OR1L8: variants seen among roughly 807,000 people sequenced by gnomAD.
OR1L8 encodes olfactory receptor 1L8.
For missense variants in OR1L8, 330 were observed against 377.4 expected (o/e 0.87, Z 1.04); for synonymous variants, 148 against 147.0 (o/e 1.01, Z -0.05).
rs763609623 is a variant in OR1L8 at position 122,568,320 on chromosome 9, T to C, written c.158A>G (p.Asn53Ser). The C allele has an allele frequency of 1.2e-6, 2 of 1,613,888 alleles. No individual in the cohort carries two copies. The highest frequency in any genetic ancestry group is 2.2e-5 in the East Asian group (1 of 44,862). The change falls in exon 5 of 5, where the codon AAC becomes AGC. Residue 53 changes from asparagine to serine, a missense_variant. By Grantham distance (46) the Asn-to-Ser change is conservative (BLOSUM62 1). Coordinates refer to ENST00000641027, the MANE Select transcript of OR1L8 (RefSeq NM_001004454.2). ...ATACATAGGGGTCTGAAGATGGGGG[T>C]TGAAGCGAATGGCCAGGATGATGAG... ...NLLIILAIRFNPHLQTPMYFF... is the reference protein window; with the variant it reads ...NLLIILAIRFSPHLQTPMYFF...
At chr9:122,553,820 C>T in the OR1L8 span, 1 of 1,614,038 alleles carries the variant, frequency 6.2e-7, no homozygotes. Context: ...TGATGATCAT[C>T]ACCATGGGCT....
chr9:122,567,792 A>G lies in OR1L8; in HGVS notation c.686T>C (p.Ile229Thr). Reference sequence around the variant, plus strand: ...TTTGCGTTTCCCAGAAGTAGAGGGAATCTTGAGAACTGTAGTGAGGATTCG... The same window carrying G: ...TTTGCGTTTCCCAGAAGTAGAGGGAGTCTTGAGAACTGTAGTGAGGATTCG... ...YIRILTTVLK[I>T]PSTSGKRKAF... The change falls in exon 5 of 5, where the codon ATT becomes ACT. Residue 229 changes from isoleucine (I) to threonine (T), a missense_variant. Physicochemically the swap from Ile to Thr is moderately conservative, Grantham distance 89. Coordinates refer to ENST00000641027, the MANE Select transcript of OR1L8 (RefSeq NM_001004454.2). The G allele has an allele frequency of 1.2e-6, 2 of 1,614,122 alleles. No homozygotes were observed. The highest frequency in any genetic ancestry group is 1.1e-5 in the South Asian group (1 of 91,078).
chr9:122,552,749 A>AGTGT, the OR1L8 span, among the ~76,000 whole-genome samples: 10,549 of 129,334 alleles, frequency 0.082, 499 homozygotes, highest in East Asian at 0.16. Context: ...AGAGGGCTTG[A>AGTGT]GTGTGTGTGT....
At chr9:122,575,185 G>A (rs914264649) in intron 3 of OR1L8, among the ~76,000 whole-genome samples, 5 of 151,976 alleles carry the variant, frequency 3.3e-5, no homozygotes, top group Non-Finnish European at 2.9e-5. Flanking sequence ...TTTGGTATTA[G>A]GATATTGTTG....
chr9:122,565,343 G>A (rs1046451490), downstream of OR1L8, among the ~76,000 whole-genome samples: 2 of 152,216 alleles, frequency 1.3e-5, no homozygotes, highest in East Asian at 1.9e-4. Context: ...CAGAAGGGGA[G>A]GTTTTAATAA....
At position 122,567,706 on chromosome 9, in the gene OR1L8, A is replaced by C. The variant is rs777080480; in HGVS notation, c.772T>G (p.Cys258Gly). 9 of 1,614,126 alleles carry C rather than the reference A, an allele frequency of 5.6e-6. No individual in the cohort carries two copies. The highest frequency in any genetic ancestry group is 7.6e-6 in the Non-Finnish European group (9 of 1,180,016). The change falls in exon 5 of 5, where the codon TGT becomes GGT. Residue 258 changes from cysteine (C) to glycine (G), a missense_variant. Transcript: ENST00000641027. ...VVTLFYGSIF[C>G]VYLQPPSTYA... is the part of the protein sequence containing the mutation. ...GTGGATGGGGGCTGTAAATAGACACAGAAGATGCTTCCATAAAAGAGCGTC... is the reference window on the plus strand; with the variant it reads ...GTGGATGGGGGCTGTAAATAGACACCGAAGATGCTTCCATAAAAGAGCGTC...
chr9:122,553,129 A>G, the OR1L8 span: 9 of 1,442,760 alleles, frequency 6.2e-6, no homozygotes, highest in African/African-American at 1.1e-4. Context: ...GGCCACACAG[A>G]TGCATATCTG....
intron 1 of OR1L8, among the ~76,000 whole-genome samples, chr9:122,582,536 C>G (rs773382127): frequency 6.6e-6 from 1 of 150,822 alleles, no homozygotes; most frequent in Admixed American, 6.7e-5. Flanking sequence ...GGCAACATAG[C>G]AAGATCTTAT....
rs774722566 is a variant in OR1L8, at chr9:122,567,927, G to C, written c.551C>G (p.Pro184Arg). Residue 184 changes from proline (P) to arginine (R), a missense_variant, in exon 5 of 5, where the codon CCT becomes CGT. Transcript: ENST00000641027. ...GGAAGAGCAGGACAATTTCAGCACA[G>C]GGCTGAGGTCACAGAGAAAGTGGTG... ...VIHHFLCDLSPVLKLSCSSIF... is the reference protein window; with the variant it reads ...VIHHFLCDLSRVLKLSCSSIF... 1 of 1,614,140 alleles carries C rather than the reference G, an allele frequency of 6.2e-7. No homozygotes were observed. The highest frequency in any genetic ancestry group is 1.1e-5 in the South Asian group (1 of 91,078).
downstream of OR1L8, among the ~76,000 whole-genome samples, chr9:122,562,148 G>A (rs574935014): frequency 6.6e-6 from 1 of 152,348 alleles, no homozygotes; most frequent in Admixed American, 6.5e-5. Context: ...GTTTGGCTGT[G>A]GGGAATATTT....
the OR1L8 span, among the ~76,000 whole-genome samples, chr9:122,558,311 CTTTTTTTTTTTTT>C: frequency 8.7e-5 from 3 of 34,472 alleles, no homozygotes; most frequent in East Asian, 1.3e-3. Context: ...TTGGATTTTG[CTTTTTTTTTTTTT>C]TTTTTTTTTT....
the OR1L8 span, chr9:122,553,857 C>T: frequency 1.9e-6 from 3 of 1,613,956 alleles, no homozygotes; most frequent in Admixed American, 1.7e-5. Flanking sequence ...TCCCCTCCTG[C>T]TGATCGTCTT....
rs1829467084 is a variant in OR1L8 at position 122,568,047 on chromosome 9, A to G, written c.431T>C (p.Leu144Pro). The G allele has an allele frequency of 6.2e-7, 1 of 1,613,984 alleles. No homozygotes were observed. Among genetic ancestry groups the G allele is most frequent in the Non-Finnish European group, 8.5e-7 (1 of 1,179,900 alleles). Residue 144 changes from leucine to proline, a missense_variant, in exon 5 of 5, where the codon CTG (leucine) becomes CCG (proline). By Grantham distance (98) the Leu-to-Pro change is moderately conservative. Transcript: ENST00000641027. ...VTTMSHHHCV[L>P]LVAFSCSFPH... ...AAATGAGCAGGAGAAGGCCACCAGC[A>G]GGACACAGTGGTGGTGGCTCATGGT...
chr9:122,580,584 C>G (rs967632663), intron 1 of OR1L8, among the ~76,000 whole-genome samples: 2 of 152,058 alleles, frequency 1.3e-5, no homozygotes, highest in East Asian at 3.8e-4. Context: ...CAAGAAGACA[C>G]AAGAATATGA....
At chr9:122,571,049 C>A (rs1386680746) in intron 4 of OR1L8, among the ~76,000 whole-genome samples, 1 of 152,184 alleles carries the variant, frequency 6.6e-6, no homozygotes, top group Non-Finnish European at 1.5e-5. Flanking sequence ...TACAATCGTG[C>A]ATTGGTGCTA....
intron 3 of OR1L8, among the ~76,000 whole-genome samples, chr9:122,576,067 A>G (rs544385304): frequency 4.6e-5 from 7 of 152,314 alleles, no homozygotes; most frequent in Non-Finnish European, 4.4e-5. Flanking sequence ...GGAAAGATCT[A>G]CTTCTTTAAG....
chr9:122,569,056 G>GA (rs77272603), intron 4 of OR1L8, among the ~76,000 whole-genome samples: 27,593 of 151,836 alleles, frequency 0.18, 3,125 homozygotes, highest in Middle Eastern at 0.31. Flanking sequence ...GCATTGTCTT[G>GA]AAAAAAACTA....
chr9:122,560,121 A>G, the OR1L8 span, among the ~76,000 whole-genome samples: 41,322 of 151,688 alleles, frequency 0.27, 5,762 homozygotes, highest in Middle Eastern at 0.35. Flanking sequence ...TTGGTTTAAA[A>G]TCTGTTTTGT....
Position 122,567,536 on chromosome 9 carries a change from A to G in OR1L8, c.*12T>C. On this transcript the variant is annotated 3_prime_UTR_variant, in exon 5 of 5. Coordinates refer to ENST00000641027, the MANE Select transcript of OR1L8 (RefSeq NM_001004454.2). ...GCAGATTCCACTTACGAGTTTTTCAAGAGGGTGCTTCCTAGGATCTCTTGC... is the reference window on the plus strand; with the variant it reads ...GCAGATTCCACTTACGAGTTTTTCAGGAGGGTGCTTCCTAGGATCTCTTGC... 1.3e-6 allele frequency: 2 copies of G among 1,540,936 alleles called. No homozygotes were observed. The highest frequency in any genetic ancestry group is 1.3e-5 in the South Asian group (1 of 78,574).
Sources: allele counts gnomAD v4.1 joint callset (sites outside exome capture counted in the v4.1 genomes callset), GRCh38; gene constraint gnomAD v4.1.1; transcripts MANE v1.5; gene names NCBI Gene and HGNC (gene_info 2026-07-23, HGNC 2026-07-21).